The following RASGRP2 variants were observed in gnomAD, a reference collection of about 807,000 sequenced individuals.
The protein encoded by RASGRP2 is RAS guanyl-releasing protein 2.
In RASGRP2, 44 loss-of-function variants were observed where a neutral mutation model predicts 71.0. The observed-to-expected ratio is 0.62, with a 90% confidence interval of 0.49 to 0.80. The LOEUF (loss-of-function observed/expected upper bound fraction) is 0.80. RASGRP2 is among the 30% of genes least tolerant of loss of function. The pLI is 0.00. For missense variants in RASGRP2, 663 were observed against 813.4 expected (o/e 0.82, Z 2.25); for synonymous variants, 350 against 330.7 (o/e 1.06, Z -0.63).
Position 64,727,369 on chromosome 11 carries a change from A to C in RASGRP2, c.1772-9T>G. 6.2e-7 allele frequency: 1 copy of C among 1,613,704 alleles called. No homozygotes were observed. On this transcript the variant is annotated splice_polypyrimidine_tract_variant and intron_variant, in intron 15 of 16. Coordinates refer to ENST00000394432, the MANE Select transcript of RASGRP2 (RefSeq NM_001098671.2). ...CTCCTCCTCACGGATCTCTGCTGGG[A>C]GGGGGATTGCTGCAGAACACACTTC...
rs1452760595 is a variant in RASGRP2 at position 64,730,198 on chromosome 11, TG to T, written c.1413-5del. On this transcript the variant is annotated splice_region_variant and splice_polypyrimidine_tract_variant and intron_variant, in intron 12 of 16. Transcript: ENST00000394432. Reference sequence around the variant, plus strand: ...CTCCCTGCTGATGCAGCCATCCCTGTGGGGAGTTGCGGGGGCGCTTCAGCTC... The same window carrying T: ...CTCCCTGCTGATGCAGCCATCCCTGTGGGAGTTGCGGGGGCGCTTCAGCTC... 2 of 1,551,566 alleles carry T rather than the reference TG, an allele frequency of 1.3e-6. No individual in the cohort carries two copies. Among genetic ancestry groups the T allele is most frequent in the Middle Eastern group, 1.7e-4 (1 of 5,990 alleles).
At chr11:64,731,359 G>GA (rs542490938) in intron 12 of RASGRP2, among the ~76,000 whole-genome samples, 262 of 89,900 alleles carry the variant, frequency 2.9e-3, no homozygotes, top group Admixed American at 5.1e-3. Context: ...CCCTGTCTCA[G>GA]AAAAAAAAAA....
At chr11:64,737,225 TACTC>T in intron 8 of RASGRP2, 191 bp from the exon 9 acceptor site, 1 of 654,342 alleles carries the variant, frequency 1.5e-6, no homozygotes, top group Non-Finnish European at 2.7e-6. Flanking sequence ...TTCAAGGCAA[TACTC>T]ACTGCCAAAA....
chr11:64,728,723 G>A (rs907862594), intron 15 of RASGRP2, 140 bp downstream of exon 15: 91 of 986,750 alleles, frequency 9.2e-5, no homozygotes, highest in East Asian at 5.1e-4. Flanking sequence ...GTGAGCCACC[G>A]CGCCCGGCCT....
rs1392216078 is a variant in RASGRP2, at chr11:64,727,245, C to T, written c.*6+51G>A. The T allele has an allele frequency of 6.0e-6, 9 of 1,501,038 alleles. No homozygotes were observed. In the East Asian group the frequency reaches 1.6e-4, roughly 27 times the overall value. 93.0% of individuals were successfully genotyped at this position (1,501,038 alleles called of 1,614,324 possible). On this transcript the variant is annotated intron_variant, in intron 16 of 16. Transcript: ENST00000394432. ...CCCATTTCCCTGATACTCCCCAGCT[C>T]CCCCCCAGCCCTCAGTGGGGAGCTC...
intron 12 of RASGRP2, among the ~76,000 whole-genome samples, chr11:64,731,359 GAA>G (rs542490938): frequency 5.6e-5 from 5 of 89,980 alleles, no homozygotes; most frequent in Admixed American, 1.3e-4. Flanking sequence ...CCCTGTCTCA[GAA>G]AAAAAAAAAA....
rs2058104923 is a variant in RASGRP2, at chr11:64,741,039, G to T, written c.280C>A (p.Pro94Thr). Residue 94 changes from proline to threonine, a missense_variant, in exon 5 of 17, where the codon CCG (proline) becomes ACG (threonine). Pro to Thr is a conservative substitution (Grantham distance 38, BLOSUM62 -1). Transcript: ENST00000394432. ...TCCTTGATCTGCTCAGCCAACTCCG[G>T]GTTCAAGTCAAACTCCGCTGGGAAG... Reference protein sequence around the residue: ...SAFPAEFDLNPELAEQIKELK... With the variant: ...SAFPAEFDLNTELAEQIKELK... 6.2e-7 allele frequency: 1 copy of T among 1,613,658 alleles called. No individual in the cohort carries two copies. Among genetic ancestry groups the T allele is most frequent in the African/African-American group, 1.3e-5 (1 of 74,874 alleles).
chr11:64,728,573 G>A (rs1233708383), intron 15 of RASGRP2, among the ~76,000 whole-genome samples: 1 of 151,872 alleles, frequency 6.6e-6, no homozygotes, highest in African/African-American at 2.4e-5. Flanking sequence ...GACTACAGGC[G>A]TCCGCCACCA....
rs1165747274 is a variant in RASGRP2 at position 64,741,627 on chromosome 11, C to G, written c.177-126G>C. On this transcript the variant is annotated intron_variant, in intron 3 of 16. Transcript: ENST00000394432. ...ATGGGGCTTGCGCTCTGCGGAGATG[C>G]TGGGGGTGAGGCTTGAGCTCTGGGA... is the stretch of plus-strand genomic sequence containing the variant. 5.9e-6 allele frequency: 5 copies of G among 850,656 alleles called. No individual in the cohort carries two copies. In the Admixed American group the frequency reaches 1.0e-4, roughly 17 times the overall value. 52.7% of individuals were successfully genotyped at this position (850,656 alleles called of 1,614,324 possible).
chr11:64,727,177 C>T, intron 16 of RASGRP2, 46 bp from the exon 17 acceptor site: 1 of 835,458 alleles, frequency 1.2e-6, no homozygotes, highest in Non-Finnish European at 2.0e-6. Context: ...CCCCTAACAA[C>T]AAGGTAGTAG....
At chr11:64,733,395 AACACACACACACACACACACACACACAC>A (rs4014428) in intron 12 of RASGRP2, among the ~76,000 whole-genome samples, 2 of 124,796 alleles carry the variant, frequency 1.6e-5, no homozygotes, top group Admixed American at 1.6e-4. Context: ...CCCCCTCACC[AACACACACACACACACACACACACACAC>A]ACACACACAC....
intron 12 of RASGRP2, 34 bp from the exon 13 acceptor site, chr11:64,730,228 C>G (rs971113069): frequency 6.4e-7 from 1 of 1,551,290 alleles, no homozygotes; most frequent in South Asian, 1.2e-5. Context: ...TCAGCTCGGG[C>G]CCTCCCCAGA....
chr11:64,737,417 T>A (rs1313852690), intron 8 of RASGRP2, among the ~76,000 whole-genome samples: 2 of 152,052 alleles, frequency 1.3e-5, no homozygotes, highest in Non-Finnish European at 2.9e-5. Flanking sequence ...ACACTTGTAA[T>A]CTCAGCACTT....
chr11:64,744,313 C>T (rs1174261769), upstream of RASGRP2: 41 of 985,530 alleles, frequency 4.2e-5, no homozygotes, highest in Non-Finnish European at 4.9e-5. Flanking sequence ...GAAAGGTACC[C>T]CGGCCCTACA....
chr11:64,727,505 AATTTT>A, intron 15 of RASGRP2, 145 bp from the exon 16 acceptor site: 4 of 458,818 alleles, frequency 8.7e-6, no homozygotes, highest in Non-Finnish European at 1.1e-5. Flanking sequence ...CTCACAGCCC[AATTTT>A]TTTTTTTTTT....
chr11:64,741,925 G>C, intron 3 of RASGRP2, 85 bp downstream of exon 3: 1 of 1,164,906 alleles, frequency 8.6e-7, no homozygotes, highest in South Asian at 1.3e-5. Flanking sequence ...ACTTAGGAGC[G>C]AGGCTCATTC....
At chr11:64,744,414 G>T (rs12223914), upstream of RASGRP2, 56,575 of 621,756 alleles carry the variant, frequency 0.091, 3,355 homozygotes, top group East Asian at 0.38. Context: ...AGCCGTCCCC[G>T]CCTGGCTCTA....
At chr11:64,730,519 G>C (rs1250829059) in intron 12 of RASGRP2, among the ~76,000 whole-genome samples, 2 of 152,234 alleles carry the variant, frequency 1.3e-5, no homozygotes, top group African/African-American at 4.8e-5. Context: ...GAAGTGTACT[G>C]TGTGCAACAC....
chr11:64,737,106 G>C, intron 8 of RASGRP2, 72 bp from the exon 9 acceptor site: 1 of 1,577,342 alleles, frequency 6.3e-7, no homozygotes, highest in Non-Finnish European at 8.7e-7. Flanking sequence ...AATGTAGGAG[G>C]GGGTGAGGAG....
Sources: allele counts gnomAD v4.1 joint callset (sites outside exome capture counted in the v4.1 genomes callset), GRCh38; gene constraint gnomAD v4.1.1; transcripts MANE v1.5; gene names NCBI Gene and HGNC (gene_info 2026-07-23, HGNC 2026-07-21).